LCLAT1: variants seen among roughly 807,000 people sequenced by gnomAD.
LCLAT1 encodes the protein lysocardiolipin acyltransferase 1.
Under a neutral mutation model 30.7 loss-of-function variants are expected in LCLAT1, and 11 were observed. That is an observed-to-expected ratio of 0.36 (90% confidence interval 0.23 to 0.59). The LOEUF (loss-of-function observed/expected upper bound fraction) is 0.59. Among genes scored for constraint, LCLAT1 ranks in the 20% least tolerant of loss-of-function variants. The probability of loss-of-function intolerance (pLI) is 0.77; values close to 1 mark genes in which losing one functional copy is unlikely to be tolerated. For missense variants in LCLAT1, 402 were observed against 458.6 expected (o/e 0.88, Z 1.13); for synonymous variants, 155 against 151.3 (o/e 1.02, Z -0.18).
At chr2:30,491,465 C>T (rs1201574804) in intron 1 of LCLAT1, among the ~76,000 whole-genome samples, 2 of 152,130 alleles carry the variant, frequency 1.3e-5, no homozygotes, top group Non-Finnish European at 2.9e-5. Flanking sequence ...TGGAGTTAGA[C>T]AGGGTCTGTA....
At chr2:30,524,430 A>G (rs1049448456) in intron 1 of LCLAT1, among the ~76,000 whole-genome samples, 9 of 152,202 alleles carry the variant, frequency 5.9e-5, no homozygotes, top group South Asian at 2.1e-4. Flanking sequence ...TTTTAGGTGT[A>G]TAGTAGTCCC....
At chr2:30,460,852 T>C (rs1682086389) in intron 1 of LCLAT1, among the ~76,000 whole-genome samples, 1 of 152,064 alleles carries the variant, frequency 6.6e-6, no homozygotes, top group African/African-American at 2.4e-5. Context: ...GATGCCTAGG[T>C]CATGAAGCCC....
At position 30,447,343 on chromosome 2, in the gene LCLAT1, C is replaced by T. The variant is rs1420604005; in HGVS notation, c.-45C>T. On this transcript the variant is annotated 5_prime_UTR_variant, in exon 1 of 6. Transcript: ENST00000379509. ...CCTACGGAGCCCCAGCTTGCCCACG[C>T]ACCCCACTCGGCGTCGCGCGGCGTG... 1 of 152,156 alleles carries T rather than the reference C, an allele frequency of 6.6e-6. No homozygotes were observed. The highest frequency in any genetic ancestry group is 2.4e-5 in the African/African-American group (1 of 41,446). The allele number at this position is 152,156 out of a possible 1,614,324, so 9.4% of individuals were successfully genotyped here.
At chr2:30,475,880 T>G (rs1392215383) in intron 1 of LCLAT1, among the ~76,000 whole-genome samples, 1 of 152,226 alleles carries the variant, frequency 6.6e-6, no homozygotes, top group African/African-American at 2.4e-5. Context: ...CAGGTTTCTC[T>G]CTCTATAAGT....
At chr2:30,551,180 T>G (rs931095644) in intron 3 of LCLAT1, among the ~76,000 whole-genome samples, 12 of 152,154 alleles carry the variant, frequency 7.9e-5, no homozygotes, top group African/African-American at 2.9e-4. Context: ...CAACTTTTTT[T>G]TTTGTAGAGA....
intron 5 of LCLAT1, among the ~76,000 whole-genome samples, chr2:30,581,606 A>G (rs1487571379): frequency 6.6e-6 from 1 of 152,218 alleles, no homozygotes; most frequent in Non-Finnish European, 1.5e-5. Flanking sequence ...CATCATTCCC[A>G]GCAACATGGA....
At chr2:30,513,960 C>T (rs1296188939) in intron 1 of LCLAT1, among the ~76,000 whole-genome samples, 1 of 152,196 alleles carries the variant, frequency 6.6e-6, no homozygotes, top group Non-Finnish European at 1.5e-5. Flanking sequence ...TTCAGGACCT[C>T]CTGAGGCTGT....
chr2:30,525,149 A>G (rs1685648035), intron 1 of LCLAT1, among the ~76,000 whole-genome samples: 1 of 151,956 alleles, frequency 6.6e-6, no homozygotes, highest in Non-Finnish European at 1.5e-5. Flanking sequence ...CTGTCGTCCC[A>G]GCTGGAGTGC....
chr2:30,467,103 C>T (rs568693895), intron 1 of LCLAT1, among the ~76,000 whole-genome samples: 64 of 152,120 alleles, frequency 4.2e-4, no homozygotes, highest in Non-Finnish European at 7.5e-4. Flanking sequence ...CCCGACCCCA[C>T]GACAGGCCCC....
At chr2:30,519,536 C>T (rs909475680) in intron 1 of LCLAT1, among the ~76,000 whole-genome samples, 1 of 152,170 alleles carries the variant, frequency 6.6e-6, no homozygotes, top group African/African-American at 2.4e-5. Context: ...CCTAGGCCGA[C>T]TAAGAATTCC....
At chr2:30,498,651 C>T (rs923912257) in intron 1 of LCLAT1, among the ~76,000 whole-genome samples, 1 of 152,128 alleles carries the variant, frequency 6.6e-6, no homozygotes, top group African/African-American at 2.4e-5. Context: ...CTTACTTTAT[C>T]CTCTCTCATG....
At chr2:30,611,199 T>C (rs1255784827) in intron 5 of LCLAT1, among the ~76,000 whole-genome samples, 2 of 152,062 alleles carry the variant, frequency 1.3e-5, no homozygotes, top group Non-Finnish European at 2.9e-5. Context: ...TCATTATATA[T>C]GCATGAGAAA....
chr2:30,473,661 T>A (rs367856308), intron 1 of LCLAT1, among the ~76,000 whole-genome samples: 6 of 152,354 alleles, frequency 3.9e-5, no homozygotes, highest in African/African-American at 1.2e-4. Context: ...ATTATTTTTT[T>A]AAATCATCTG....
intron 5 of LCLAT1, chr2:30,606,888 A>G (rs1667468232): frequency 6.6e-6 from 1 of 152,112 alleles, no homozygotes; most frequent in South Asian, 2.1e-4. Context: ...AAACAAATTT[A>G]CAAGAAAAAA....
At chr2:30,591,010 C>T (rs1285462079) in intron 5 of LCLAT1, among the ~76,000 whole-genome samples, 1 of 152,082 alleles carries the variant, frequency 6.6e-6, no homozygotes, top group African/African-American at 2.4e-5. Flanking sequence ...TGTATTGTGA[C>T]TTTTGCAGTT....
intron 5 of LCLAT1, among the ~76,000 whole-genome samples, chr2:30,626,079 G>A (rs1352654265): frequency 6.6e-6 from 1 of 152,124 alleles, no homozygotes; most frequent in Non-Finnish European, 1.5e-5. Context: ...CACATCAGAG[G>A]CACTCAATAA....
At chr2:30,462,903 A>G (rs767461911) in intron 1 of LCLAT1, among the ~76,000 whole-genome samples, 2 of 152,146 alleles carry the variant, frequency 1.3e-5, no homozygotes, top group African/African-American at 2.4e-5. Context: ...GTTTTGGTAA[A>G]TAGATAGTTT....
At chr2:30,489,322 C>G (rs1033634095) in intron 1 of LCLAT1, 2 of 151,338 alleles carry the variant, frequency 1.3e-5, no homozygotes, top group Admixed American at 6.6e-5. Context: ...AATTTCCACT[C>G]CAAGAAGTAC....
chr2:30,469,027 T>C (rs1292553806), intron 1 of LCLAT1, among the ~76,000 whole-genome samples: 2 of 152,254 alleles, frequency 1.3e-5, no homozygotes, highest in Non-Finnish European at 2.9e-5. Flanking sequence ...GCTTTTCTTA[T>C]GCTTATCAAC....
Sources: gnomAD v4.1 joint callset for allele counts (sites outside exome capture counted in the v4.1 genomes callset) on GRCh38, gnomAD v4.1.1 for gene constraint, MANE v1.5 for transcripts, NCBI Gene and HGNC (gene_info 2026-07-23, HGNC 2026-07-21) for gene names.